The following TNFSF4 variants were observed in gnomAD, a reference collection of about 807,000 sequenced individuals.
TNFSF4 encodes the protein tumor necrosis factor ligand superfamily member 4.
In TNFSF4, 4 loss-of-function variants were observed where a neutral mutation model predicts 7.3. The ratio of observed to expected loss-of-function variants is 0.55; its 90% CI spans 0.27 to 1.25. The LOEUF is 1.25. Ranked by LOEUF, TNFSF4 falls within the 50% of genes most tolerant of loss-of-function variation. TNFSF4 has a pLI of 0.12. For synonymous variants in TNFSF4, 76 were observed against 83.7 expected, an observed-to-expected ratio of 0.91 and a Z score of 0.50; for missense variants, 181 against 208.8, an observed-to-expected ratio of 0.87 and a Z score of 0.82.
the TNFSF4 span, among the ~76,000 whole-genome samples, chr1:173,328,922 C>G: frequency 6.6e-6 from 1 of 152,098 alleles, no homozygotes; most frequent in African/African-American, 2.4e-5. Context: ...TTCCACCACA[C>G]GTGGAAAGCC....
the TNFSF4 span, among the ~76,000 whole-genome samples, chr1:173,178,353 A>T: frequency 6.6e-6 from 1 of 152,192 alleles, no homozygotes; most frequent in Non-Finnish European, 1.5e-5. Flanking sequence ...AGGCAGGCGG[A>T]TCACGAGGTT....
the TNFSF4 span, among the ~76,000 whole-genome samples, chr1:173,418,908 T>C: frequency 2.0e-5 from 3 of 152,218 alleles, no homozygotes; most frequent in African/African-American, 7.2e-5. Context: ...GACCCCCAAA[T>C]TTCATGTGCT....
At chr1:173,332,957 C>T in the TNFSF4 span, among the ~76,000 whole-genome samples, 9 of 152,208 alleles carry the variant, frequency 5.9e-5, no homozygotes, top group Non-Finnish European at 1.3e-4. Context: ...TCTCTGCCAT[C>T]ACCATATACA....
At chr1:173,314,725 G>T in the TNFSF4 span, among the ~76,000 whole-genome samples, 1 of 152,068 alleles carries the variant, frequency 6.6e-6, no homozygotes, top group Non-Finnish European at 1.5e-5. Flanking sequence ...TTTGATAATT[G>T]GGAAACTCCA....
chr1:173,369,012 T>TG, the TNFSF4 span, among the ~76,000 whole-genome samples: 1 of 152,042 alleles, frequency 6.6e-6, no homozygotes, highest in Non-Finnish European at 1.5e-5. Context: ...GCCCCATCAG[T>TG]GGGGGGACTA....
At chr1:173,296,649 C>A in the TNFSF4 span, among the ~76,000 whole-genome samples, 2 of 151,882 alleles carry the variant, frequency 1.3e-5, no homozygotes, top group Non-Finnish European at 2.9e-5. Flanking sequence ...GGGAAAGGAT[C>A]TTGACAGCCA....
chr1:173,349,260 C>T, the TNFSF4 span, among the ~76,000 whole-genome samples: 4 of 152,072 alleles, frequency 2.6e-5, no homozygotes, highest in African/African-American at 9.7e-5. Context: ...GATCTCCCGA[C>T]CTCATGATCT....
the TNFSF4 span, among the ~76,000 whole-genome samples, chr1:173,234,954 T>C: frequency 6.6e-6 from 1 of 151,872 alleles, no homozygotes; most frequent in Non-Finnish European, 1.5e-5. Context: ...ATAATAATAA[T>C]TTAAAAAAAG....
chr1:173,196,045 G>C (rs189494026), intron 1 of TNFSF4, among the ~76,000 whole-genome samples: 16 of 152,170 alleles, frequency 1.1e-4, no homozygotes, highest in Admixed American at 1.0e-3. Flanking sequence ...GAAGAGAAAG[G>C]GAGAATTTTT....
rs550882337 is a variant in TNFSF4, at chr1:173,200,445, A to G, written c.153+6579T>C. Among the ~76,000 whole-genome samples the G allele has an allele frequency of 2.6e-4, 40 of 152,314 alleles. 1 individual carries two copies. The highest frequency in any genetic ancestry group is 7.5e-4 in the African/African-American group (31 of 41,584). On this transcript the variant is annotated intron_variant, in intron 1 of 2. Transcript: ENST00000281834. ...AACCTCCCTGCTACCCGTCCATTCT[A>G]AAAAACGGTTTGAGTTTAGGTTTTA...
chr1:173,218,209 G>C, the TNFSF4 span, among the ~76,000 whole-genome samples: 1 of 152,140 alleles, frequency 6.6e-6, no homozygotes, highest in Non-Finnish European at 1.5e-5. Context: ...ATTGGTCCAG[G>C]CTGATGCTTG....
the TNFSF4 span, among the ~76,000 whole-genome samples, chr1:173,317,327 C>T: frequency 2.0e-5 from 3 of 152,294 alleles, no homozygotes; most frequent in South Asian, 6.2e-4. Flanking sequence ...CATGATGATA[C>T]CTGCATGGTA....
the TNFSF4 span, among the ~76,000 whole-genome samples, chr1:173,341,898 C>A: frequency 7.2e-5 from 11 of 152,248 alleles, no homozygotes; most frequent in East Asian, 1.5e-3. Flanking sequence ...CCTGAAGATG[C>A]CTTTCACCCC....
chr1:173,439,463 C>T, the TNFSF4 span, among the ~76,000 whole-genome samples: 1 of 152,216 alleles, frequency 6.6e-6, no homozygotes, highest in African/African-American at 2.4e-5. Flanking sequence ...GCAGCCCAGC[C>T]TCTGCCCACC....
chr1:173,210,726 AG>A (rs78860346), upstream of TNFSF4, among the ~76,000 whole-genome samples: 9 of 151,412 alleles, frequency 5.9e-5, no homozygotes, highest in South Asian at 2.1e-4. Flanking sequence ...AAATAATTCT[AG>A]GGGGGGGAAA....
chr1:173,373,294 G>C, the TNFSF4 span, among the ~76,000 whole-genome samples: 3 of 152,130 alleles, frequency 2.0e-5, no homozygotes, highest in Non-Finnish European at 4.4e-5. Context: ...GGAAACCATC[G>C]GGCAGATGCT....
At chr1:173,447,736 CAG>C in the TNFSF4 span, among the ~76,000 whole-genome samples, 1 of 152,042 alleles carries the variant, frequency 6.6e-6, no homozygotes, top group Non-Finnish European at 1.5e-5. Flanking sequence ...GAATTAAAGA[CAG>C]AGGAGACAAC....
At chr1:173,211,424 T>C (rs1446965655), upstream of TNFSF4, among the ~76,000 whole-genome samples, 1 of 152,210 alleles carries the variant, frequency 6.6e-6, no homozygotes, top group Admixed American at 6.5e-5. Context: ...AGGCTAGCCC[T>C]GCAATGCAGT....
chr1:173,378,451 G>A, the TNFSF4 span, among the ~76,000 whole-genome samples: 1 of 152,152 alleles, frequency 6.6e-6, no homozygotes, highest in African/African-American at 2.4e-5. Context: ...AAACACTCAG[G>A]CATCAACAGG....
Sources: allele counts gnomAD v4.1 joint callset (sites outside exome capture counted in the v4.1 genomes callset), GRCh38; gene constraint gnomAD v4.1.1; transcripts MANE v1.5; gene names NCBI Gene and HGNC (gene_info 2026-07-23, HGNC 2026-07-21).